The following VEPH1 variants were observed in gnomAD, a reference collection of about 807,000 sequenced individuals.
VEPH1 encodes the protein ventricular zone expressed PH domain containing 1.
Under a neutral mutation model 85.2 loss-of-function variants are expected in VEPH1, and 80 were observed. That is an observed-to-expected ratio of 0.94 (90% confidence interval 0.78 to 1.13). The LOEUF (loss-of-function observed/expected upper bound fraction) is 1.13, where lower values mean the gene tolerates loss of function less well. Ranked by LOEUF, VEPH1 falls within the 50% of genes most tolerant of loss-of-function variation. The pLI is 0.00. For missense variants in VEPH1, 955 were observed against 980.5 expected (o/e 0.97, Z 0.35); for synonymous variants, 297 against 348.0 (o/e 0.85, Z 1.63).
intron 7 of VEPH1, among the ~76,000 whole-genome samples, chr3:157,369,188 A>AAAAACAAAAAACAAACAAAC (rs1727154744): frequency 4.2e-5 from 6 of 143,746 alleles, no homozygotes; most frequent in African/African-American, 1.5e-4. Flanking sequence ...ATGAAAAAAA[A>AAAAACAAAAAACAAACAAAC]AAAAAAAAAA....
intron 2 of VEPH1, among the ~76,000 whole-genome samples, chr3:157,481,047 C>T (rs77348768): frequency 0.011 from 1,617 of 152,208 alleles, 28 homozygotes; most frequent in East Asian, 0.067. Context: ...TCTCTGATGA[C>T]TGCTAAAGTT....
chr3:157,491,028 TA>T (rs919411681), intron 2 of VEPH1, among the ~76,000 whole-genome samples: 1 of 152,132 alleles, frequency 6.6e-6, no homozygotes, highest in Admixed American at 6.6e-5. Flanking sequence ...ATATAAAGTT[TA>T]AAAATACAAA....
At chr3:157,354,208 C>T (rs1725182543) in intron 9 of VEPH1, among the ~76,000 whole-genome samples, 1 of 151,604 alleles carries the variant, frequency 6.6e-6, no homozygotes, top group African/African-American at 2.4e-5. Context: ...ACTTTCCACT[C>T]AATTTTGCTG....
At chr3:157,438,050 C>A in intron 4 of VEPH1, 2 of 728,590 alleles carry the variant, frequency 2.7e-6, no homozygotes, top group Non-Finnish European at 4.3e-6. Flanking sequence ...CACACACACA[C>A]ACACACACAC....
intron 3 of VEPH1, among the ~76,000 whole-genome samples, chr3:157,469,348 C>T (rs561369094): frequency 3.3e-5 from 5 of 152,174 alleles, no homozygotes; most frequent in Non-Finnish European, 7.4e-5. Flanking sequence ...GAATAAAGGA[C>T]GCTCATATCA....
intron 6 of VEPH1, among the ~76,000 whole-genome samples, chr3:157,400,607 A>G (rs1730726194): frequency 6.6e-6 from 1 of 152,124 alleles, no homozygotes; most frequent in Non-Finnish European, 1.5e-5. Flanking sequence ...CTGTCAAATA[A>G]GTTTTTTTCA....
At chr3:157,475,004 A>G (rs1737326356) in intron 2 of VEPH1, among the ~76,000 whole-genome samples, 4 of 151,146 alleles carry the variant, frequency 2.6e-5, no homozygotes, top group African/African-American at 9.7e-5. Context: ...TTTTTTTTTC[A>G]GACAGGTTCT....
intron 2 of VEPH1, among the ~76,000 whole-genome samples, chr3:157,490,152 AT>A (rs1739091600): frequency 6.6e-6 from 1 of 152,050 alleles, no homozygotes; most frequent in South Asian, 2.1e-4. Context: ...ATCTATAGTT[AT>A]AATAACACCC....
At chr3:157,412,981 A>AT (rs1287320056) in intron 6 of VEPH1, among the ~76,000 whole-genome samples, 2 of 152,130 alleles carry the variant, frequency 1.3e-5, no homozygotes, top group Non-Finnish European at 2.9e-5. Context: ...AAGTCACATA[A>AT]TGTTTCTGTT....
chr3:157,319,544 G>A (rs988377813), intron 9 of VEPH1, among the ~76,000 whole-genome samples: 4 of 152,146 alleles, frequency 2.6e-5, no homozygotes, highest in Non-Finnish European at 4.4e-5. Flanking sequence ...ACAAAAAATG[G>A]TATTTGAAAT....
intron 2 of VEPH1, among the ~76,000 whole-genome samples, chr3:157,471,028 T>C (rs1459670338): frequency 1.3e-5 from 2 of 152,112 alleles, no homozygotes; most frequent in Non-Finnish European, 2.9e-5. Flanking sequence ...CCCAACCAGG[T>C]TTTCCTCCAT....
At chr3:157,442,453 T>G in intron 4 of VEPH1, 1 of 1,614,210 alleles carries the variant, frequency 6.2e-7, no homozygotes, top group Non-Finnish European at 8.5e-7. Context: ...CTTGAGTCTT[T>G]TAGTGCCTGC....
intron 4 of VEPH1, among the ~76,000 whole-genome samples, chr3:157,429,601 C>T (rs1265432174): frequency 1.3e-5 from 2 of 152,054 alleles, no homozygotes; most frequent in African/African-American, 2.4e-5. Flanking sequence ...TATCATGTTC[C>T]CCAGAATACA....
intron 4 of VEPH1, among the ~76,000 whole-genome samples, chr3:157,444,977 T>G (rs528700003): frequency 1.4e-4 from 21 of 152,356 alleles, no homozygotes; most frequent in Non-Finnish European, 2.6e-4. Flanking sequence ...TAGTGGAACA[T>G]GTGACCACTC....
intron 9 of VEPH1, among the ~76,000 whole-genome samples, chr3:157,321,791 A>G (rs889912821): frequency 2.6e-5 from 4 of 152,206 alleles, no homozygotes; most frequent in African/African-American, 9.6e-5. Flanking sequence ...CAAACAAACA[A>G]ACAAACAAAA....
At chr3:157,430,025 T>G (rs533093558) in intron 4 of VEPH1, among the ~76,000 whole-genome samples, 1 of 152,292 alleles carries the variant, frequency 6.6e-6, no homozygotes, top group Non-Finnish European at 1.5e-5. Context: ...TCTTATAAAT[T>G]CCATTAGTCA....
chr3:157,280,621 T>C (rs1715978939), intron 12 of VEPH1, among the ~76,000 whole-genome samples: 1 of 152,210 alleles, frequency 6.6e-6, no homozygotes, highest in Admixed American at 6.5e-5. Context: ...TTTAGCATAA[T>C]ACTAAAATTC....
chr3:157,382,476 T>C (rs1458690706), intron 6 of VEPH1, among the ~76,000 whole-genome samples: 1 of 152,204 alleles, frequency 6.6e-6, no homozygotes, highest in Non-Finnish European at 1.5e-5. Flanking sequence ...TTGTGCCCAA[T>C]AGAAATAATG....
rs1720483555 is a variant in VEPH1 at position 157,314,329 on chromosome 3, T to TAA, written c.1876-575_1876-574insTT. Among the ~76,000 whole-genome samples the TAA allele has an allele frequency of 4.7e-4, 3 of 6,368 alleles. No homozygotes were observed. The East Asian group carries it at 0.015, about 31-fold the overall frequency. 4.2% of individuals were successfully genotyped at this position (6,368 alleles called of 152,430 possible). A position where few individuals can be genotyped will look rare whatever the true frequency, so the allele number is the denominator to read the frequency against. ...GCCTGGGTGACAGAGGGAGGATCCG[T>TAA]CAAAAAAAAAAAAAAAAAAAAAAAA... On this transcript the variant is annotated intron_variant, in intron 10 of 13. Coordinates refer to ENST00000362010, the MANE Select transcript of VEPH1 (RefSeq NM_001167912.2).
Sources: gnomAD v4.1 joint callset for allele counts (sites outside exome capture counted in the v4.1 genomes callset) on GRCh38, gnomAD v4.1.1 for gene constraint, MANE v1.5 for transcripts, NCBI Gene and HGNC (gene_info 2026-07-23, HGNC 2026-07-21) for gene names.